Variants in LPP observed in about 807,000 individuals in gnomAD.
LPP encodes the protein LIM domain containing preferred translocation partner in lipoma.
In LPP, 38 loss-of-function variants were observed where a neutral mutation model predicts 60.4. The ratio of observed to expected loss-of-function variants is 0.63; its 90% confidence interval spans 0.49 to 0.83. The LOEUF (loss-of-function observed/expected upper bound fraction) is 0.83, where lower values mean the gene tolerates loss of function less well. LPP is among the 40% of genes least tolerant of loss of function. The pLI is 0.00. For synonymous variants in LPP, 328 were observed against 290.8 expected (o/e 1.13, Z -1.30); for missense variants, 902 against 783.6 (o/e 1.15, Z -1.80).
At chr3:188,328,913 A>G (rs946688682) in intron 2 of LPP, among the ~76,000 whole-genome samples, 1 of 152,212 alleles carries the variant, frequency 6.6e-6, no homozygotes, top group African/African-American at 2.4e-5. Flanking sequence ...TCAATGCATT[A>G]AAGAGAGTCT....
chr3:188,246,931 T>G (rs73059654), intron 2 of LPP, among the ~76,000 whole-genome samples: 2,620 of 152,324 alleles, frequency 0.017, 70 homozygotes, highest in African/African-American at 0.057. Context: ...AGCCTTCTTT[T>G]CTTAGAGATT....
chr3:188,210,314 C>A (rs1278461099), intron 1 of LPP, among the ~76,000 whole-genome samples: 1 of 152,088 alleles, frequency 6.6e-6, no homozygotes, highest in Non-Finnish European at 1.5e-5. Flanking sequence ...TACTCACCTA[C>A]AAAAATTCCA....
At chr3:188,388,082 T>A (rs953222752) in intron 3 of LPP, among the ~76,000 whole-genome samples, 1 of 152,166 alleles carries the variant, frequency 6.6e-6, no homozygotes, top group African/African-American at 2.4e-5. Context: ...TATTTTTTTT[T>A]ATTGCCTTTG....
chr3:188,155,665 G>C (rs1287363723), intron 1 of LPP, among the ~76,000 whole-genome samples: 1 of 152,138 alleles, frequency 6.6e-6, no homozygotes, highest in Non-Finnish European at 1.5e-5. Context: ...TCTCCACTTC[G>C]TCACCAGTTT....
At chr3:188,649,676 A>C (rs1461430983) in intron 7 of LPP, among the ~76,000 whole-genome samples, 1 of 152,110 alleles carries the variant, frequency 6.6e-6, no homozygotes, top group African/African-American at 2.4e-5. Context: ...TATTATATAA[A>C]GCCTTGCAGT....
Position 188,570,782 on chromosome 3 carries a change from C to T in LPP, c.430-38379C>T, listed in dbSNP as rs576679926. Among the ~76,000 whole-genome samples the T allele has an allele frequency of 1.3e-3, 194 of 151,774 alleles. 3 individuals carry two copies. The highest frequency in any genetic ancestry group is 2.2e-4 in the Non-Finnish European group (15 of 67,926). ...ACAGGAAAGCAATAGATCTAGTAGA[C>T]GACATTGTATGGTGGGTGAAAGCCC... On this transcript the variant is annotated intron_variant, in intron 6 of 11. Transcript: ENST00000617246.
At chr3:188,248,680 G>A (rs1476359009) in intron 2 of LPP, among the ~76,000 whole-genome samples, 1 of 151,464 alleles carries the variant, frequency 6.6e-6, no homozygotes, top group Non-Finnish European at 1.5e-5. Context: ...AGACTTCAAG[G>A]CCTGATTCAT....
chr3:188,682,413 C>A (rs1296868738), intron 7 of LPP, among the ~76,000 whole-genome samples: 1 of 152,196 alleles, frequency 6.6e-6, no homozygotes, highest in Non-Finnish European at 1.5e-5. Flanking sequence ...ACATCTACAC[C>A]GTGCAGCTCT....
intron 9 of LPP, among the ~76,000 whole-genome samples, chr3:188,817,999 C>A (rs534805771): frequency 6.6e-6 from 1 of 152,176 alleles, no homozygotes. Context: ...GTTCAGAGTG[C>A]AAGCATGAGC....
At position 188,523,848 on chromosome 3, in the gene LPP, G is replaced by A. The variant is rs960673162; in HGVS notation, c.307-817G>A. 2.0e-5 allele frequency among the ~76,000 whole-genome samples: 3 copies of A among 152,080 alleles called. No individual in the cohort carries two copies. In the South Asian group the frequency reaches 6.2e-4, roughly 32 times the overall value. ...CATTATTAAATTGTCACTTTAAAAG[G>A]TTATTTTTTTACTTCACCCTGCCTC... On this transcript the variant is annotated intron_variant, in intron 5 of 11. Coordinates refer to ENST00000617246, the MANE Select transcript of LPP (RefSeq NM_001375462.1).
At position 188,850,685 on chromosome 3, in the gene LPP, A is replaced by G. The variant is rs1471331636; in HGVS notation, c.1411-15515A>G. ...ATAGTCTGACCGCAAGATCAACAAT[A>G]ATAATAATAATGTAGGACCACAGAA... is the stretch of plus-strand genomic sequence containing the variant. On this transcript the variant is annotated intron_variant, in intron 9 of 11. Transcript: ENST00000617246. Among the ~76,000 whole-genome samples the G allele has an allele frequency of 2.6e-5, 4 of 152,294 alleles. No individual in the cohort carries two copies. In the South Asian group the frequency reaches 8.3e-4, roughly 32 times the overall value.
chr3:188,485,407 T>C (rs1022164044), intron 5 of LPP, among the ~76,000 whole-genome samples: 1 of 152,180 alleles, frequency 6.6e-6, no homozygotes, highest in African/African-American at 2.4e-5. Context: ...ATAGAATTAT[T>C]GTTATAGTTT....
chr3:188,223,384 C>A (rs1716549718), intron 1 of LPP, among the ~76,000 whole-genome samples: 1 of 152,284 alleles, frequency 6.6e-6, no homozygotes, highest in South Asian at 2.1e-4. Flanking sequence ...GCATGTAATT[C>A]TCCTTGGAAA....
At chr3:188,496,826 A>G (rs1240395626) in intron 5 of LPP, among the ~76,000 whole-genome samples, 1 of 152,238 alleles carries the variant, frequency 6.6e-6, no homozygotes, top group Non-Finnish European at 1.5e-5. Flanking sequence ...ATTGGAAGAA[A>G]GCACTGTGGT....
intron 9 of LPP, among the ~76,000 whole-genome samples, chr3:188,825,927 C>T (rs1755364818): frequency 6.6e-6 from 1 of 152,038 alleles, no homozygotes; most frequent in African/African-American, 2.4e-5. Flanking sequence ...TGCCACCACA[C>T]TCAAGCAGAA....
intron 1 of LPP, among the ~76,000 whole-genome samples, chr3:188,203,622 T>G (rs1225873845): frequency 1.7e-5 from 2 of 120,980 alleles, no homozygotes; most frequent in African/African-American, 3.2e-5. Context: ...TTTAAATATA[T>G]ATACATATCA....
intron 7 of LPP, among the ~76,000 whole-genome samples, chr3:188,696,598 A>G (rs1389403420): frequency 2.0e-5 from 3 of 151,312 alleles, no homozygotes; most frequent in Non-Finnish European, 4.4e-5. Context: ...AACAACAACA[A>G]CTCACAAAGT....
chr3:188,189,040 T>C (rs1727399355), intron 1 of LPP, among the ~76,000 whole-genome samples: 1 of 152,186 alleles, frequency 6.6e-6, no homozygotes, highest in South Asian at 2.1e-4. Context: ...GACACATACA[T>C]CCAAAATCTC....
intron 7 of LPP, among the ~76,000 whole-genome samples, chr3:188,647,348 T>A (rs1851295906): frequency 6.6e-6 from 1 of 152,052 alleles, no homozygotes; most frequent in African/African-American, 2.4e-5. Flanking sequence ...GCCCGCTTAA[T>A]TGGGAGATAG....
Sources: gnomAD v4.1 joint callset for allele counts (sites outside exome capture counted in the v4.1 genomes callset) on GRCh38, gnomAD v4.1.1 for gene constraint, MANE v1.5 for transcripts, NCBI Gene and HGNC (gene_info 2026-07-23, HGNC 2026-07-21) for gene names.